The following TP53INP2 variants were observed in gnomAD, a reference collection of about 807,000 sequenced individuals.
TP53INP2 encodes the protein tumor protein p53-inducible nuclear protein 2.
A neutral mutation model predicts 17.1 loss-of-function variants in TP53INP2; 12 were observed. That is an observed-to-expected ratio of 0.70 (90% CI 0.45 to 1.14). The LOEUF (loss-of-function observed/expected upper bound fraction) is 1.14. Among genes scored for constraint, TP53INP2 ranks in the 50% most tolerant of loss-of-function variants. The probability of loss-of-function intolerance (pLI) is 0.00; values close to 1 mark genes in which losing one functional copy is unlikely to be tolerated. For missense variants in TP53INP2, 342 were observed against 330.9 expected, an observed-to-expected ratio of 1.03 and a Z score of -0.26; for synonymous variants, 145 against 147.3, an observed-to-expected ratio of 0.98 and a Z score of 0.12.
Position 34,710,006 on chromosome 20 carries a change from G to GCCCCCC in TP53INP2, c.414-52_414-51insCCCCCC. ...GGGTGGGAGATGGCAGCGCCCTCTA[G>GCCCCCC]ACCCCCCGCCCAGCTTACCCGGCTT... On this transcript the variant is annotated intron_variant, in intron 4 of 4. Coordinates refer to ENST00000374810, the MANE Select transcript of TP53INP2 (RefSeq NM_021202.3). The surrounding 1 kb of genome is among the most constrained non-coding windows in gnomAD (Gnocchi z 4.9). 1 of 1,244,694 alleles carries GCCCCCC rather than the reference G, an allele frequency of 8.0e-7. No individual in the cohort carries two copies. The highest frequency in any genetic ancestry group is 1.0e-6 in the Non-Finnish European group (1 of 985,426). The allele number at this position is 1,244,694 out of a possible 1,614,324, so 77.1% of individuals were successfully genotyped here. A position where few individuals can be genotyped will look rare whatever the true frequency, so the allele number is the denominator to read the frequency against.
At chr20:34,704,959 G>T (rs376984152) in intron 1 of TP53INP2, among the ~76,000 whole-genome samples, 10 of 152,266 alleles carry the variant, frequency 6.6e-5, no homozygotes, top group African/African-American at 2.4e-4. Flanking sequence ...TGGGACTCCA[G>T]GTGGTTGGGA....
rs1988144950 is a variant in TP53INP2 at position 34,710,177 on chromosome 20, G to T, written c.533G>T (p.Arg178Leu). 1 of 1,364,194 alleles carries T rather than the reference G, an allele frequency of 7.3e-7. No individual in the cohort carries two copies. Among genetic ancestry groups the T allele is most frequent in the Non-Finnish European group, 9.5e-7 (1 of 1,048,062 alleles). The allele number at this position is 1,364,194 out of a possible 1,614,324, so 84.5% of individuals were successfully genotyped here. A position where few individuals can be genotyped will look rare whatever the true frequency, so the allele number is the denominator to read the frequency against. ...QVRRLQRARQ[R>L]AERHALSAKA... ...CGGCGGCTGCAGCGGGCCCGGCAGC[G>T]GGCAGAGCGCCACGCGCTGAGCGCC... Residue 178 changes from arginine to leucine, a missense_variant, in exon 5 of 5, where the codon CGG (arginine) becomes CTG (leucine). Physicochemically the swap from Arg to Leu is moderately radical, Grantham distance 102. Transcript: ENST00000374810. The surrounding 1 kb of genome is among the most constrained non-coding windows in gnomAD (Gnocchi z 4.9).
rs1988193753 is a variant in TP53INP2 at position 34,711,414 on chromosome 20, G to C, written c.*1107G>C. 1 of 152,728 alleles carries C rather than the reference G, an allele frequency of 6.5e-6. No homozygotes were observed. Among genetic ancestry groups the C allele is most frequent in the Admixed American group, 6.5e-5 (1 of 15,288 alleles). 9.5% of individuals were successfully genotyped at this position (152,728 alleles called of 1,614,324 possible). A position where few individuals can be genotyped will look rare whatever the true frequency, so the allele number is the denominator to read the frequency against. ...CATGGGGTGAAGCCATCCCAAGGCTGACAGCTCAGTCTTCACCTTGCCTCT... is the reference window on the plus strand; with the variant it reads ...CATGGGGTGAAGCCATCCCAAGGCTCACAGCTCAGTCTTCACCTTGCCTCT... On this transcript the variant is annotated 3_prime_UTR_variant, in exon 5 of 5. Transcript: ENST00000374810. The surrounding 1 kb of genome is among the most constrained non-coding windows in gnomAD (Gnocchi z 4.1).
Position 34,709,378 on chromosome 20 carries a change from C to T in TP53INP2, c.267C>T (p.Ala89=). 1.2e-6 allele frequency: 2 copies of T among 1,613,862 alleles called. No homozygotes were observed. The highest frequency in any genetic ancestry group is 1.1e-5 in the South Asian group (1 of 91,090). Reference sequence around the variant, plus strand: ...CAGAGGGGCCTGGACTCGGTCCCGCCCGCCTCCAGAGCAGTCCCCTGGAGG... The same window carrying T: ...CAGAGGGGCCTGGACTCGGTCCCGCTCGCCTCCAGAGCAGTCCCCTGGAGG... The part of the protein sequence containing the change: ...FTAEGPGLGP[A]RLQSSPLEDL... The change falls in exon 4 of 5, where the codon GCC becomes GCT. Residue 89 remains alanine, a synonymous_variant. Transcript: ENST00000374810. This position sits in a 1 kb window ranked among gnomAD's most constrained non-coding sequence, Gnocchi z 5.4.
intron 2 of TP53INP2, among the ~76,000 whole-genome samples, chr20:34,705,989 G>C (rs1486418023): frequency 6.6e-6 from 1 of 152,166 alleles, no homozygotes; most frequent in Non-Finnish European, 1.5e-5. Context: ...CTGACTTGCT[G>C]TGTGACCTCA....
rs1359721168 is a variant in TP53INP2 at position 34,712,958 on chromosome 20, G to A, written c.*2651G>A. ...AGCCTTTGCCAGTCTAGCCCCAGCA[G>A]GGCACCGTGTATGAATGCAGTTTGG... On this transcript the variant is annotated 3_prime_UTR_variant, in exon 5 of 5. Coordinates refer to ENST00000374810, the MANE Select transcript of TP53INP2 (RefSeq NM_021202.3). 1 of 152,642 alleles carries A rather than the reference G, an allele frequency of 6.6e-6. No homozygotes were observed. Among genetic ancestry groups the A allele is most frequent in the Non-Finnish European group, 1.5e-5 (1 of 68,066 alleles). The allele number at this position is 152,642 out of a possible 1,614,324, so 9.5% of individuals were successfully genotyped here.
intron 2 of TP53INP2, among the ~76,000 whole-genome samples, chr20:34,706,914 G>A (rs1019992748): frequency 6.6e-6 from 1 of 152,170 alleles, no homozygotes; most frequent in African/African-American, 2.4e-5. Flanking sequence ...GGGAACAGGT[G>A]TGGAGAGTCA....
At chr20:34,706,674 A>G (rs1316761146) in intron 2 of TP53INP2, among the ~76,000 whole-genome samples, 3 of 152,250 alleles carry the variant, frequency 2.0e-5, no homozygotes, top group Non-Finnish European at 2.9e-5. Flanking sequence ...AGATGTGGAA[A>G]TATTCTCAGG....
Position 34,710,564 on chromosome 20 carries a change from CCTTT to C in TP53INP2, c.*261_*264del, listed in dbSNP as rs1442519458. The C allele has an allele frequency of 2.8e-6, 1 of 353,060 alleles. No homozygotes were observed. The highest frequency in any genetic ancestry group is 2.1e-5 in the African/African-American group (1 of 47,494). 21.9% of individuals were successfully genotyped at this position (353,060 alleles called of 1,614,324 possible). ...TGCCCCCTACTCCTGGCCCCTCCATCCTTTCTTCTCTGGTCCCCATCCCTGTCTC... is the reference window on the plus strand; with the variant it reads ...TGCCCCCTACTCCTGGCCCCTCCATCCTTCTCTGGTCCCCATCCCTGTCTC... On this transcript the variant is annotated 3_prime_UTR_variant, in exon 5 of 5. Transcript: ENST00000374810. This position sits in a 1 kb window ranked among gnomAD's most constrained non-coding sequence, Gnocchi z 4.9.
Position 34,710,703 on chromosome 20 carries a change from A to C in TP53INP2, c.*396A>C. 1 of 166,644 alleles carries C rather than the reference A, an allele frequency of 6.0e-6. No individual in the cohort carries two copies. 10.3% of individuals were successfully genotyped at this position (166,644 alleles called of 1,614,324 possible). On this transcript the variant is annotated 3_prime_UTR_variant, in exon 5 of 5. Transcript: ENST00000374810. The surrounding 1 kb of genome is among the most constrained non-coding windows in gnomAD (Gnocchi z 4.9). ...TCCCCACCTTCAACTCCCACCTTAC[A>C]TGTCTCACACTATCCCATGGTTGGC...
rs1215013485 is a variant in TP53INP2, at chr20:34,710,152, C to T, written c.508C>T (p.Arg170Trp). The stretch of plus-strand genomic sequence containing the variant: ...GCTGCTGGAGAAGGCGGGCCAGGTG[C>T]GGCGGCTGCAGCGGGCCCGGCAGCG... ...AALLEKAGQV[R>W]RLQRARQRAE... Residue 170 changes from arginine (R) to tryptophan (W), a missense_variant, in exon 5 of 5, where the codon CGG (arginine) becomes TGG (tryptophan). Physicochemically the swap from Arg to Trp is moderately radical, Grantham distance 101 (BLOSUM62 -3). Coordinates refer to ENST00000374810, the MANE Select transcript of TP53INP2 (RefSeq NM_021202.3). This position sits in a 1 kb window ranked among gnomAD's most constrained non-coding sequence, Gnocchi z 4.9. 1.6e-6 allele frequency: 2 copies of T among 1,278,934 alleles called. No homozygotes were observed. Among genetic ancestry groups the T allele is most frequent in the African/African-American group, 1.5e-5 (1 of 64,872 alleles). The allele number at this position is 1,278,934 out of a possible 1,614,324, so 79.2% of individuals were successfully genotyped here.
In TP53INP2 at chr20:34,710,276, A is replaced by G. The variant is rs754554102; in HGVS notation, c.632A>G (p.Tyr211Cys). Residue 211 changes from tyrosine to cysteine, a missense_variant, in exon 5 of 5, where the codon TAC becomes TGC. By Grantham distance (194) the Tyr-to-Cys change is radical. Transcript: ENST00000374810. The surrounding 1 kb of genome is among the most constrained non-coding windows in gnomAD (Gnocchi z 4.9). ...RRSKNQSSFI[Y>C]QPCQRQFNY The stretch of plus-strand genomic sequence containing the variant: ...TCCAAGAACCAGAGCAGCTTCATCT[A>G]CCAGCCGTGCCAGCGCCAGTTCAAC... 3 of 1,430,182 alleles carry G rather than the reference A, an allele frequency of 2.1e-6. No individual in the cohort carries two copies. The highest frequency in any genetic ancestry group is 1.5e-5 in the South Asian group (1 of 66,684). The allele number at this position is 1,430,182 out of a possible 1,614,324, so 88.6% of individuals were successfully genotyped here.
Position 34,709,880 on chromosome 20 carries a change from C to G in TP53INP2, c.414-178C>G, listed in dbSNP as rs1419773758. On this transcript the variant is annotated intron_variant, in intron 4 of 4. Transcript: ENST00000374810. This position sits in a 1 kb window ranked among gnomAD's most constrained non-coding sequence, Gnocchi z 5.4. ...CCAGTCTCCCCCGAGGTCCAGTTTA[C>G]CTGTTAAGGGCTAGAACCGAGGAGG... 6.6e-6 allele frequency among the ~76,000 whole-genome samples: 1 copy of G among 152,142 alleles called. No individual in the cohort carries two copies. Among genetic ancestry groups the G allele is most frequent in the African/African-American group, 2.4e-5 (1 of 41,432 alleles).
intron 2 of TP53INP2, among the ~76,000 whole-genome samples, chr20:34,708,142 G>A (rs967828107): frequency 6.6e-6 from 1 of 152,212 alleles, no homozygotes; most frequent in Non-Finnish European, 1.5e-5. Context: ...TCCTCAGAGT[G>A]CAGCTTGGAT....
At position 34,708,432 on chromosome 20, in the gene TP53INP2, G is replaced by C. The variant is rs370653147; in HGVS notation, c.-49-259G>C. Among the ~76,000 whole-genome samples the C allele has an allele frequency of 2.6e-5, 4 of 152,112 alleles. No homozygotes were observed. The East Asian group carries it at 7.7e-4, about 29-fold the overall frequency. On this transcript the variant is annotated intron_variant, in intron 2 of 4. Coordinates refer to ENST00000374810, the MANE Select transcript of TP53INP2 (RefSeq NM_021202.3). Reference sequence around the variant, plus strand: ...AATTCTTATAAGAGCCCGGAGGAAGGTACTATTATCATTGTCTTTTGACAG... The same window carrying C: ...AATTCTTATAAGAGCCCGGAGGAAGCTACTATTATCATTGTCTTTTGACAG...
rs143408665 is a variant in TP53INP2 at position 34,708,800 on chromosome 20, T to C, written c.61T>C (p.Cys21Arg). The change falls in exon 3 of 5, where the codon TGC (cysteine) becomes CGC (arginine). Residue 21 changes from cysteine to arginine, a missense_variant. Coordinates refer to ENST00000374810, the MANE Select transcript of TP53INP2 (RefSeq NM_021202.3). ...STPSPPEDPD[C>R]PRAFVSEEDE... ...CCCCTCGCCCCCCGAAGACCCCGAC[T>C]GCCCCCGCGCCTTCGTGTCGGAGGA... 4.1e-4 allele frequency: 664 copies of C among 1,612,876 alleles called. 1 individual carries two copies. Among genetic ancestry groups the C allele is most frequent in the Non-Finnish European group, 5.4e-4 (634 of 1,179,572 alleles).
At position 34,710,337 on chromosome 20, in the gene TP53INP2, GCCGATC is replaced by G; in HGVS notation, c.*39_*44del. 3 of 1,326,966 alleles carry G rather than the reference GCCGATC, an allele frequency of 2.3e-6. No homozygotes were observed. Among genetic ancestry groups the G allele is most frequent in the Non-Finnish European group, 2.9e-6 (3 of 1,028,554 alleles). 82.2% of individuals were successfully genotyped at this position (1,326,966 alleles called of 1,614,324 possible). On this transcript the variant is annotated 3_prime_UTR_variant, in exon 5 of 5. Transcript: ENST00000374810. This position sits in a 1 kb window ranked among gnomAD's most constrained non-coding sequence, Gnocchi z 4.9. ...CCACCGGCCGCGCCACGAACCCCTT[GCCGATC>G]CCGATCCCTGTCGGGCTCCTCCGAC... is the stretch of plus-strand genomic sequence containing the variant.
At position 34,709,300 on chromosome 20, in the gene TP53INP2, G is replaced by A. The variant is rs959299951; in HGVS notation, c.189G>A (p.Ala63=). The A allele has an allele frequency of 1.2e-6, 2 of 1,611,262 alleles. No homozygotes were observed. Among genetic ancestry groups the A allele is most frequent in the East Asian group, 2.2e-5 (1 of 44,778 alleles). ...CCCCCGCGGGCCGCCCTCCGCCCGC[G>A]CCCTCCTTGATGGACGAGAGCTGGT... ...APAPAGRPPP[A]PSLMDESWFV... The change falls in exon 4 of 5, where the codon GCG becomes GCA. Residue 63 remains alanine, a synonymous_variant. Transcript: ENST00000374810. This position sits in a 1 kb window ranked among gnomAD's most constrained non-coding sequence, Gnocchi z 5.4.
intron 1 of TP53INP2, chr20:34,704,725 G>C (rs1019793567): frequency 6.6e-6 from 1 of 152,242 alleles, no homozygotes; most frequent in East Asian, 1.9e-4. Flanking sequence ...CCACAGGCTC[G>C]GGTCGCTTGT....
Sources: gnomAD v4.1 joint callset for allele counts (sites outside exome capture counted in the v4.1 genomes callset) on GRCh38, gnomAD v4.1.1 for gene constraint, Gnocchi (gnomAD v3.1) non-coding constraint, MANE v1.5 for transcripts, NCBI Gene and HGNC (gene_info 2026-07-23, HGNC 2026-07-21) for gene names.